STK10: variants seen among roughly 807,000 people sequenced by gnomAD.
STK10 encodes serine/threonine kinase 10.
In STK10, 78 loss-of-function variants were observed where a neutral mutation model predicts 113.8. The ratio of observed to expected loss-of-function variants is 0.69; its 90% CI spans 0.57 to 0.83. The LOEUF (loss-of-function observed/expected upper bound fraction) is 0.83. Ranked by LOEUF, STK10 falls within the 40% of genes least tolerant of loss-of-function variation. STK10 has a pLI of 0.00. For synonymous variants in STK10, 465 were observed against 494.7 expected (o/e 0.94, Z 0.80); for missense variants, 1,109 against 1,280.1 (o/e 0.87, Z 2.04).
intron 18 of STK10, 74 bp from the exon 19 acceptor site, chr5:172,045,096 C>T: frequency 6.3e-7 from 1 of 1,579,938 alleles, no homozygotes; most frequent in East Asian, 2.2e-5. Flanking sequence ...TCACAGGACC[C>T]CCACTGACAT....
intron 13 of STK10, among the ~76,000 whole-genome samples, chr5:172,062,654 C>T (rs1471695423): frequency 6.6e-6 from 1 of 152,156 alleles, no homozygotes. Context: ...CACAAAAGGA[C>T]AAATATTCTA....
intron 1 of STK10, among the ~76,000 whole-genome samples, chr5:172,177,035 G>A (rs1356944592): frequency 2.6e-5 from 4 of 152,180 alleles, no homozygotes; most frequent in African/African-American, 7.2e-5. Flanking sequence ...TTAGCCAGAT[G>A]TGGTGGTGCA....
Position 172,093,389 on chromosome 5 carries a change from C to T in STK10, c.1554+23G>A, listed in dbSNP as rs754829321. ...TCCTGCAATGGTCTTGCTGCAAGCC[C>T]GTGGTGGCAGAGGCGGTGTTACCTT... On this transcript the variant is annotated intron_variant, in intron 9 of 18. Coordinates refer to ENST00000176763, the MANE Select transcript of STK10 (RefSeq NM_005990.4). This position sits in a 1 kb window ranked among gnomAD's most constrained non-coding sequence, Gnocchi z 4.1. 27 of 1,565,306 alleles carry T rather than the reference C, an allele frequency of 1.7e-5. No individual in the cohort carries two copies. In the East Asian group the frequency reaches 1.8e-4, roughly 11 times the overall value.
chr5:172,160,150 GA>G (rs67907580), intron 1 of STK10, among the ~76,000 whole-genome samples: 4,957 of 145,170 alleles, frequency 0.034, 113 homozygotes, highest in Middle Eastern at 0.075. Flanking sequence ...AAAAAAGAAA[GA>G]AAAAAAAACC....
intron 1 of STK10, among the ~76,000 whole-genome samples, chr5:172,163,988 G>C (rs934686821): frequency 6.6e-6 from 1 of 152,074 alleles, no homozygotes; most frequent in Non-Finnish European, 1.5e-5. Context: ...TAGGCAGGTG[G>C]ATCACCTGAG....
intron 4 of STK10, among the ~76,000 whole-genome samples, chr5:172,112,191 A>C (rs983389310): frequency 6.6e-6 from 1 of 152,206 alleles, no homozygotes; most frequent in Non-Finnish European, 1.5e-5. Context: ...TGACTGACTG[A>C]TGAGTCTTAT....
At chr5:172,107,905 G>T in intron 4 of STK10, 53 bp from the exon 5 acceptor site, 1 of 1,553,444 alleles carries the variant, frequency 6.4e-7, no homozygotes. Context: ...TGGGGTAAAA[G>T]CCGGGGATGT....
At position 172,056,997 on chromosome 5, in the gene STK10, G is replaced by A. The variant is rs5873299; in HGVS notation, c.2337+352C>T. On this transcript the variant is annotated intron_variant, in intron 15 of 18. Transcript: ENST00000176763. The stretch of plus-strand genomic sequence containing the variant: ...AAAGAAAGAAAGAAAGAAAGAAAGA[G>A]AAAGAAGGAAAGAAAGAAAGAAAGA... 337 of 45,328 alleles carry A rather than the reference G, an allele frequency of 7.4e-3. 5 individuals are homozygous for A. Among genetic ancestry groups the A allele is most frequent in the East Asian group, 0.019 (32 of 1,722 alleles). 2.8% of individuals were successfully genotyped at this position (45,328 alleles called of 1,614,324 possible).
chr5:172,125,612 T>C (rs1384123639), intron 3 of STK10, among the ~76,000 whole-genome samples: 1 of 152,200 alleles, frequency 6.6e-6, no homozygotes, highest in Non-Finnish European at 1.5e-5. Context: ...TTCAAACTCG[T>C]GGCCTCAGGT....
chr5:172,101,690 A>AG (rs1768992792), intron 7 of STK10, among the ~76,000 whole-genome samples: 1 of 152,166 alleles, frequency 6.6e-6, no homozygotes, highest in Non-Finnish European at 1.5e-5. Context: ...GGGCAGGGAA[A>AG]GGGGACTGGG....
At chr5:172,122,380 A>G (rs944541314) in intron 3 of STK10, among the ~76,000 whole-genome samples, 2 of 152,110 alleles carry the variant, frequency 1.3e-5, no homozygotes, top group Non-Finnish European at 2.9e-5. Context: ...TGTAATCACT[A>G]ATTTGTTTTC....
intron 7 of STK10, among the ~76,000 whole-genome samples, chr5:172,102,685 C>T (rs1769016998): frequency 1.3e-5 from 2 of 152,224 alleles, no homozygotes; most frequent in East Asian, 3.9e-4. Context: ...AGACCAACAC[C>T]AAGGCTGACC....
intron 5 of STK10, 101 bp downstream of exon 5, chr5:172,107,679 A>G (rs2113766011): frequency 4.1e-6 from 3 of 735,314 alleles, no homozygotes; most frequent in Non-Finnish European, 5.8e-6. Context: ...CAGGGCGTGT[A>G]GCCCTTGTCT....
chr5:172,124,885 T>TATA (rs60649482), intron 3 of STK10, among the ~76,000 whole-genome samples: 2 of 151,958 alleles, frequency 1.3e-5, no homozygotes, highest in Non-Finnish European at 2.9e-5. Flanking sequence ...TATATATATA[T>TATA]TTTTTTCCCC....
chr5:172,187,049 G>A lies in STK10; in HGVS notation c.156+838C>T, dbSNP rs1385720210. Among the ~76,000 whole-genome samples, 1 of 152,086 alleles carries A rather than the reference G, an allele frequency of 6.6e-6. No homozygotes were observed. Among genetic ancestry groups the A allele is most frequent in the Non-Finnish European group, 1.5e-5 (1 of 68,006 alleles). ...AGTAAAAATTTTCTTAGGGGAAAGG[G>A]GGGAGTCAAGCTGTAGGTGTTGGCT... is the stretch of plus-strand genomic sequence containing the variant. On this transcript the variant is annotated intron_variant, in intron 1 of 18. Transcript: ENST00000176763. The surrounding 1 kb of genome is among the most constrained non-coding windows in gnomAD (Gnocchi z 4.6).
chr5:172,130,470 G>A lies in STK10; in HGVS notation c.322-3049C>T, dbSNP rs188488748. ...CACTTGAACCCAGGAGGCGGAGGCT[G>A]CAGTGAGCGGAGATCACACCACAGC... On this transcript the variant is annotated intron_variant, in intron 2 of 18. Coordinates refer to ENST00000176763, the MANE Select transcript of STK10 (RefSeq NM_005990.4). Among the ~76,000 whole-genome samples the A allele has an allele frequency of 4.7e-3, 720 of 151,790 alleles. 5 individuals are homozygous for A. The highest frequency in any genetic ancestry group is 0.017 in the African/African-American group (697 of 41,352).
intron 4 of STK10, among the ~76,000 whole-genome samples, chr5:172,113,913 CAAAAAA>C (rs11382952): frequency 8.2e-6 from 1 of 122,260 alleles, no homozygotes; most frequent in African/African-American, 3.0e-5. Context: ...AACTCCATCT[CAAAAAA>C]AAAAAAAAGA....
intron 18 of STK10, among the ~76,000 whole-genome samples, chr5:172,050,052 C>G (rs942338512): frequency 4.6e-5 from 7 of 152,258 alleles, no homozygotes; most frequent in South Asian, 4.1e-4. Context: ...ATCCACCCGC[C>G]TTGGCCTCCC....
intron 7 of STK10, among the ~76,000 whole-genome samples, chr5:172,099,325 A>T (rs895493639): frequency 1.3e-5 from 2 of 152,128 alleles, no homozygotes; most frequent in African/African-American, 2.4e-5. Context: ...GGATCACCTG[A>T]GGTCAGGAGT....
Sources: allele counts gnomAD v4.1 joint callset (sites outside exome capture counted in the v4.1 genomes callset), GRCh38; gene constraint gnomAD v4.1.1; non-coding constraint Gnocchi (gnomAD v3.1); transcripts MANE v1.5; gene names NCBI Gene and HGNC (gene_info 2026-07-23, HGNC 2026-07-21).